UGGT1: variants seen among roughly 807,000 people sequenced by gnomAD.
UGGT1 encodes the protein UDP-glucose:glycoprotein glucosyltransferase 1.
In UGGT1, 107 loss-of-function variants were observed where a neutral mutation model predicts 203.9. The observed-to-expected ratio is 0.52, with a 90% CI of 0.45 to 0.62. The LOEUF is 0.62. UGGT1 is among the 20% of genes least tolerant of loss of function. The pLI is 0.00. For missense variants in UGGT1, 1,673 were observed against 1,867.2 expected, an observed-to-expected ratio of 0.90 and a Z score of 1.92; for synonymous variants, 628 against 653.5, an observed-to-expected ratio of 0.96 and a Z score of 0.59.
chr2:128,186,727 C>A lies in UGGT1; in HGVS notation c.4404C>A (p.Leu1468=). The A allele has an allele frequency of 6.2e-7, 1 of 1,613,738 alleles. No homozygotes were observed. Among genetic ancestry groups the A allele is most frequent in the South Asian group, 1.1e-5 (1 of 91,034 alleles). The change falls in exon 39 of 41, where the codon CTC becomes CTA. Residue 1468 remains leucine, a synonymous_variant. Transcript: ENST00000259253. ...NMIHQVPIKS[L]PQEWLWCETW... is the part of the protein sequence containing the mutation. ...TTCATCAGGTGCCAATTAAATCCCT[C>A]CCTCAAGAATGGCTTTGGTGTGAAA...
intron 2 of UGGT1, among the ~76,000 whole-genome samples, chr2:128,100,409 T>C (rs1312190944): frequency 2.6e-5 from 4 of 151,838 alleles, no homozygotes; most frequent in Non-Finnish European, 1.5e-5. Context: ...ATATTCTGTT[T>C]AACATTCTTT....
At chr2:128,106,024 G>A (rs1456703973) in intron 3 of UGGT1, among the ~76,000 whole-genome samples, 1 of 151,804 alleles carries the variant, frequency 6.6e-6, no homozygotes. Context: ...CAAACTCCTG[G>A]CCTCAAGACA....
intron 26 of UGGT1, 66 bp from the exon 27 acceptor site, chr2:128,170,222 T>C (rs1691023683): frequency 9.6e-6 from 13 of 1,360,238 alleles, no homozygotes; most frequent in Non-Finnish European, 1.4e-5. Flanking sequence ...GAAGGTTATA[T>C]TGTACAAAAA....
intron 30 of UGGT1, among the ~76,000 whole-genome samples, chr2:128,174,450 C>A (rs891204162): frequency 3.3e-5 from 5 of 151,952 alleles, no homozygotes; most frequent in African/African-American, 1.2e-4. Context: ...GGGCACCCAC[C>A]ACCATGCCCG....
intron 26 of UGGT1, among the ~76,000 whole-genome samples, chr2:128,168,483 C>T (rs1440706378): frequency 6.6e-6 from 1 of 151,942 alleles, no homozygotes; most frequent in Non-Finnish European, 1.5e-5. Context: ...TTGTGGTATT[C>T]TTTTGTATTC....
chr2:128,132,991 G>A, intron 13 of UGGT1, 150 bp from the exon 14 acceptor site: 1 of 946,238 alleles, frequency 1.1e-6, no homozygotes, highest in Middle Eastern at 3.7e-4. Flanking sequence ...ACAGATGTGA[G>A]CCACTCACTG....
chr2:128,152,980 A>G (rs1189552588), intron 19 of UGGT1, 76 bp downstream of exon 19: 5 of 1,593,396 alleles, frequency 3.1e-6, no homozygotes, highest in Non-Finnish European at 4.3e-6. Flanking sequence ...TCAGATTTTA[A>G]TATTCTGATT....
chr2:128,111,875 T>C (rs6430986), intron 5 of UGGT1, among the ~76,000 whole-genome samples: 151,386 of 151,836 alleles, frequency 1, 75,470 homozygotes, highest in Middle Eastern at 1. Context: ...CGTGGTGGCT[T>C]ACGCCTGTAA....
rs755563373 is a variant in UGGT1, at chr2:128,182,155, T to G, written c.4109T>G (p.Leu1370Ter). 2 of 1,614,026 alleles carry G rather than the reference T, an allele frequency of 1.2e-6. No homozygotes were observed. Among genetic ancestry groups the G allele is most frequent in the Non-Finnish European group, 1.7e-6 (2 of 1,179,962 alleles). Residue 1370 changes from leucine to a stop codon, truncating the protein, a stop_gained, in exon 37 of 41, where the codon TTA becomes TGA. Coordinates refer to ENST00000259253, the MANE Select transcript of UGGT1 (RefSeq NM_020120.4). LOFTEE classifies it high-confidence loss of function. ...ATTGTACGAACAGATCTGAAAGAGT[T>G]AAGAGATTTCAATTTGGATGGTGCT... Reference protein sequence around the residue: ...DQIVRTDLKELRDFNLDGAPY... With the variant: ...DQIVRTDLKE
intron 2 of UGGT1, among the ~76,000 whole-genome samples, chr2:128,101,217 T>G (rs1010830822): frequency 2.6e-5 from 4 of 152,214 alleles, no homozygotes; most frequent in African/African-American, 9.6e-5. Flanking sequence ...TCTTCCTTCT[T>G]ATGTCTGTGG....
Position 128,161,235 on chromosome 2 carries a change from C to A in UGGT1, c.2792C>A (p.Ser931Tyr). The stretch of plus-strand genomic sequence containing the variant: ...AAAACCTCAGGACAGAAAATAAAAT[C>A]TCATATTCAACAGCTTCGGGTAGAA... ...ILKTSGQKIK[S>Y]HIQQLRVEED... The change falls in exon 25 of 41, where the codon TCT becomes TAT. Residue 931 changes from serine (S) to tyrosine (Y), a missense_variant. Ser to Tyr is a moderately radical substitution (Grantham distance 144). Coordinates refer to ENST00000259253, the MANE Select transcript of UGGT1 (RefSeq NM_020120.4). 1.2e-6 allele frequency: 2 copies of A among 1,613,910 alleles called. No individual in the cohort carries two copies. Among genetic ancestry groups the A allele is most frequent in the Non-Finnish European group, 8.5e-7 (1 of 1,179,934 alleles).
intron 38 of UGGT1, 144 bp downstream of exon 38, chr2:128,183,933 T>TGC: frequency 1.8e-6 from 1 of 551,500 alleles, no homozygotes; most frequent in Non-Finnish European, 3.3e-6. Context: ...TGTGTGTGTG[T>TGC]GTGTGAGAGA....
At chr2:128,094,627 G>T (rs1034840785) in intron 1 of UGGT1, among the ~76,000 whole-genome samples, 3 of 151,688 alleles carry the variant, frequency 2.0e-5, no homozygotes, top group Non-Finnish European at 4.4e-5. Flanking sequence ...ATGCTAAAAG[G>T]TTCCCTTTTT....
chr2:128,110,809 A>G (rs1396665835), intron 5 of UGGT1, among the ~76,000 whole-genome samples: 1 of 152,188 alleles, frequency 6.6e-6, no homozygotes, highest in Non-Finnish European at 1.5e-5. Flanking sequence ...TTTTTAACAC[A>G]TGCATAACCT....
intron 10 of UGGT1, among the ~76,000 whole-genome samples, chr2:128,122,357 A>G (rs1342033430): frequency 6.6e-6 from 1 of 151,500 alleles, no homozygotes; most frequent in Non-Finnish European, 1.5e-5. Flanking sequence ...ACATGGTGAA[A>G]CCGCTTTTCT....
chr2:128,117,968 G>C (rs1558764586), intron 8 of UGGT1, among the ~76,000 whole-genome samples: 1 of 113,914 alleles, frequency 8.8e-6, no homozygotes. Flanking sequence ...TTTTGTGTGT[G>C]TGTGTGTGTC....
intron 6 of UGGT1, 145 bp downstream of exon 6, chr2:128,113,403 A>G (rs768622542): frequency 5.8e-5 from 39 of 670,344 alleles, no homozygotes; most frequent in Non-Finnish European, 4.4e-5. Context: ...CATTGAGTCT[A>G]TTATTTGCAC....
At chr2:128,121,826 C>T (rs1415154839) in intron 10 of UGGT1, among the ~76,000 whole-genome samples, 1 of 152,220 alleles carries the variant, frequency 6.6e-6, no homozygotes, top group African/African-American at 2.4e-5. Flanking sequence ...GTTCTTAGCA[C>T]TTCCACTTAT....
At chr2:128,149,001 A>C (rs1404777316) in intron 18 of UGGT1, among the ~76,000 whole-genome samples, 3 of 152,056 alleles carry the variant, frequency 2.0e-5, no homozygotes, top group Admixed American at 6.6e-5. Flanking sequence ...GGGGAGATGT[A>C]AATAGTAGTG....
Sources: gnomAD v4.1 joint callset for allele counts (sites outside exome capture counted in the v4.1 genomes callset) on GRCh38, gnomAD v4.1.1 for gene constraint, MANE v1.5 for transcripts, NCBI Gene and HGNC (gene_info 2026-07-23, HGNC 2026-07-21) for gene names.